The following ZMYM2 variants were observed in gnomAD, a reference collection of about 807,000 sequenced individuals.
ZMYM2 encodes zinc finger MYM-type protein 2.
ZMYM2 carries 56 observed loss-of-function variants against 162.8 expected under a neutral mutation model. The ratio of observed to expected loss-of-function variants is 0.34; its 90% CI spans 0.28 to 0.43. The LOEUF (loss-of-function observed/expected upper bound fraction) is 0.43. ZMYM2 is among the 20% of genes least tolerant of loss of function. The pLI is 1.00. For synonymous variants in ZMYM2, 510 were observed against 541.6 expected, an observed-to-expected ratio of 0.94 and a Z score of 0.81; for missense variants, 1,275 against 1,621.8, an observed-to-expected ratio of 0.79 and a Z score of 3.67.
At chr13:19,947,645 G>A in the ZMYM2 span, among the ~76,000 whole-genome samples, 1 of 140,072 alleles carries the variant, frequency 7.1e-6, no homozygotes, top group Non-Finnish European at 1.6e-5. Flanking sequence ...TTTTAGTAGA[G>A]ACGGGGTTTC....
At chr13:19,865,226 TAAAAC>T in the ZMYM2 span, among the ~76,000 whole-genome samples, 1 of 152,126 alleles carries the variant, frequency 6.6e-6, no homozygotes, top group Non-Finnish European at 1.5e-5. Flanking sequence ...GCTGATGAGC[TAAAAC>T]AAACGAAAAA....
intron 2 of ZMYM2, among the ~76,000 whole-genome samples, chr13:19,980,777 GAA>G (rs1478412721): frequency 6.4e-5 from 7 of 110,002 alleles, no homozygotes; most frequent in African/African-American, 2.6e-4. Flanking sequence ...AAAAAAAAAA[GAA>G]TTTTCCTGTT....
At chr13:19,876,962 C>T in the ZMYM2 span, among the ~76,000 whole-genome samples, 4 of 152,130 alleles carry the variant, frequency 2.6e-5, no homozygotes, top group Non-Finnish European at 5.9e-5. Flanking sequence ...CGGTGGCTCA[C>T]GCCTGTAATC....
the ZMYM2 span, among the ~76,000 whole-genome samples, chr13:19,936,704 G>A: frequency 6.6e-6 from 1 of 152,054 alleles, no homozygotes. Flanking sequence ...CCTGGGCAAA[G>A]AGTGAAACTA....
intron 16 of ZMYM2, among the ~76,000 whole-genome samples, chr13:20,060,715 G>C (rs1956166465): frequency 6.6e-6 from 1 of 151,946 alleles, no homozygotes; most frequent in African/African-American, 2.4e-5. Flanking sequence ...AAGCCATAAG[G>C]TTTAGAACTG....
intron 24 of ZMYM2, among the ~76,000 whole-genome samples, chr13:20,084,522 TG>T (rs1566482942): frequency 6.6e-6 from 1 of 152,190 alleles, no homozygotes. Context: ...CATAAGCAGG[TG>T]GCTGGCTGTA....
At chr13:20,045,108 T>C (rs902135716) in intron 12 of ZMYM2, among the ~76,000 whole-genome samples, 6 of 150,086 alleles carry the variant, frequency 4.0e-5, no homozygotes, top group African/African-American at 1.5e-4. Context: ...ACTTCAAATT[T>C]GTTAAGGCCT....
chr13:19,864,265 G>T, the ZMYM2 span: 1 of 154,890 alleles, frequency 6.5e-6, no homozygotes, highest in East Asian at 1.9e-4. Context: ...CCCTCGCCGC[G>T]CCCCGTGGGG....
intron 21 of ZMYM2, among the ~76,000 whole-genome samples, chr13:20,080,277 T>C (rs1957821183): frequency 6.6e-6 from 1 of 152,238 alleles, no homozygotes. Flanking sequence ...TTCTACTATT[T>C]TAGAATTTTG....
At chr13:20,084,656 G>C (rs998701662) in intron 24 of ZMYM2, among the ~76,000 whole-genome samples, 3 of 152,102 alleles carry the variant, frequency 2.0e-5, no homozygotes, top group Admixed American at 6.6e-5. Context: ...TCATGTTCTG[G>C]AATTTTTTTT....
the ZMYM2 span, among the ~76,000 whole-genome samples, chr13:19,935,425 C>A: frequency 3.7e-4 from 57 of 152,348 alleles, no homozygotes; most frequent in South Asian, 0.012. Flanking sequence ...GCGTGAGCCA[C>A]CACGCACAGC....
chr13:20,011,175 A>G (rs1450379905), intron 6 of ZMYM2, among the ~76,000 whole-genome samples: 1 of 152,048 alleles, frequency 6.6e-6, no homozygotes, highest in Non-Finnish European at 1.5e-5. Context: ...AATAGAACTT[A>G]CTCCTCCTAT....
intron 2 of ZMYM2, among the ~76,000 whole-genome samples, chr13:19,961,820 T>G (rs1448533562): frequency 6.6e-6 from 1 of 152,254 alleles, no homozygotes; most frequent in Admixed American, 6.5e-5. Context: ...TGCTATGTGC[T>G]AGACAGTAAG....
the ZMYM2 span, among the ~76,000 whole-genome samples, chr13:19,941,885 G>T: frequency 0.98 from 149,375 of 151,800 alleles, 73,542 homozygotes; most frequent in Middle Eastern, 1. Flanking sequence ...TGGTTGGGAC[G>T]CCAGGTGTGT....
At chr13:19,925,349 T>A in the ZMYM2 span, among the ~76,000 whole-genome samples, 1 of 152,188 alleles carries the variant, frequency 6.6e-6, no homozygotes, top group Non-Finnish European at 1.5e-5. Context: ...AGGTCTTAAA[T>A]GTTATCAAGT....
the ZMYM2 span, among the ~76,000 whole-genome samples, chr13:19,924,818 T>A: frequency 6.6e-6 from 1 of 152,168 alleles, no homozygotes; most frequent in Admixed American, 6.6e-5. Context: ...TTCTTCTGGA[T>A]ATATACTCAG....
the ZMYM2 span, among the ~76,000 whole-genome samples, chr13:19,917,115 A>T: frequency 6.6e-6 from 1 of 152,038 alleles, no homozygotes; most frequent in Non-Finnish European, 1.5e-5. Context: ...GGCGCCCGCC[A>T]CGACGCCCGG....
the ZMYM2 span, among the ~76,000 whole-genome samples, chr13:19,929,029 T>C: frequency 6.6e-6 from 1 of 152,218 alleles, no homozygotes; most frequent in African/African-American, 2.4e-5. Flanking sequence ...ATTGCTAGTA[T>C]ATAAAAATGC....
At chr13:20,046,595 GTGTGTGTGTGTGTATATATA>G (rs1348790107) in intron 12 of ZMYM2, among the ~76,000 whole-genome samples, 2 of 25,838 alleles carry the variant, frequency 7.7e-5, no homozygotes, top group South Asian at 2.4e-3. Flanking sequence ...GTGTGTGTGT[GTGTGTGTGTGTGTATATATA>G]TGTGTATATA....
Sources: gnomAD v4.1 joint callset for allele counts (sites outside exome capture counted in the v4.1 genomes callset) on GRCh38, gnomAD v4.1.1 for gene constraint, MANE v1.5 for transcripts, NCBI Gene and HGNC (gene_info 2026-07-23, HGNC 2026-07-21) for gene names.